The following FGF7 variants were observed in gnomAD, a reference collection of about 807,000 sequenced individuals.
The protein encoded by FGF7 is fibroblast growth factor 7.
In FGF7, 6 loss-of-function variants were observed where a neutral mutation model predicts 20.5. The observed-to-expected ratio is 0.29, with a 90% CI of 0.16 to 0.58. The LOEUF (loss-of-function observed/expected upper bound fraction) is 0.58, where lower values mean the gene tolerates loss of function less well. Among genes scored for constraint, FGF7 ranks in the 20% least tolerant of loss-of-function variants. The pLI is 0.90. For missense variants in FGF7, 144 were observed against 228.8 expected (o/e 0.63, Z 2.39); for synonymous variants, 64 against 74.7 (o/e 0.86, Z 0.74).
chr15:49,475,287 G>A (rs1437937357), intron 2 of FGF7, among the ~76,000 whole-genome samples: 1 of 152,102 alleles, frequency 6.6e-6, no homozygotes, highest in African/African-American at 2.4e-5. Flanking sequence ...AAGAGAGAAC[G>A]CCAATAAAGA....
At chr15:49,482,403 T>C (rs958531378) in intron 2 of FGF7, among the ~76,000 whole-genome samples, 1 of 152,084 alleles carries the variant, frequency 6.6e-6, no homozygotes, top group Non-Finnish European at 1.5e-5. Flanking sequence ...AAGTATTATA[T>C]AAACAGGATT....
intron 2 of FGF7, among the ~76,000 whole-genome samples, chr15:49,434,878 A>G (rs1224189432): frequency 6.6e-6 from 1 of 151,528 alleles, no homozygotes; most frequent in Admixed American, 6.6e-5. Context: ...AAAGAGAACC[A>G]ATTTCTCAAA....
At chr15:49,462,090 G>T (rs1256637079) in intron 2 of FGF7, among the ~76,000 whole-genome samples, 1 of 152,062 alleles carries the variant, frequency 6.6e-6, no homozygotes, top group Non-Finnish European at 1.5e-5. Flanking sequence ...CTGTACTCCA[G>T]CCTGGGTGAC....
At position 49,424,817 on chromosome 15, in the gene FGF7, T is replaced by C. The variant is rs189462008; in HGVS notation, c.286+234T>C. 6.8e-5 allele frequency: 22 copies of C among 325,536 alleles called. No homozygotes were observed. The East Asian group carries it at 8.6e-4, about 13-fold the overall frequency. The allele number at this position is 325,536 out of a possible 1,614,324, so 20.2% of individuals were successfully genotyped here. A position where few individuals can be genotyped will look rare whatever the true frequency, so the allele number is the denominator to read the frequency against. On this transcript the variant is annotated intron_variant, in intron 2 of 3. Coordinates refer to ENST00000267843, the MANE Select transcript of FGF7 (RefSeq NM_002009.4). ...GATAATCCAAGCCAATTTGAAAATA[T>C]ATACTCCTTGTCCTGAAAATGCTCA...
chr15:49,473,622 C>T (rs1428576581), intron 2 of FGF7, among the ~76,000 whole-genome samples: 1 of 151,948 alleles, frequency 6.6e-6, no homozygotes, highest in Admixed American at 6.6e-5. Flanking sequence ...TCTACCCCAG[C>T]AATATTTTAT....
intron 2 of FGF7, among the ~76,000 whole-genome samples, chr15:49,447,905 A>G (rs2052374859): frequency 6.6e-6 from 1 of 151,764 alleles, no homozygotes; most frequent in Non-Finnish European, 1.5e-5. Flanking sequence ...AATATAAGGT[A>G]GAGGTAGAAT....
rs556305059 is a variant in FGF7, at chr15:49,427,222, T to G, written c.286+2639T>G. On this transcript the variant is annotated intron_variant, in intron 2 of 3. Transcript: ENST00000267843. Reference sequence around the variant, plus strand: ...TAGGAAATCTAGGTTCAAAAAATGCTCAGAATTTGTTTAAAATAACAAGAA... The same window carrying G: ...TAGGAAATCTAGGTTCAAAAAATGCGCAGAATTTGTTTAAAATAACAAGAA... Among the ~76,000 whole-genome samples, 3 of 152,162 alleles carry G rather than the reference T, an allele frequency of 2.0e-5. No individual in the cohort carries two copies. In the East Asian group the frequency reaches 5.8e-4, roughly 29 times the overall value.
At chr15:49,439,807 G>A (rs2051464674) in intron 2 of FGF7, among the ~76,000 whole-genome samples, 1 of 151,628 alleles carries the variant, frequency 6.6e-6, no homozygotes, top group African/African-American at 2.4e-5. Context: ...TGATTTGCTT[G>A]CTTAAAATCA....
At chr15:49,470,269 A>C (rs1378593147) in intron 2 of FGF7, among the ~76,000 whole-genome samples, 1 of 63,098 alleles carries the variant, frequency 1.6e-5, no homozygotes. Context: ...CTGAGTACAT[A>C]TTAAATATTT....
chr15:49,424,859 T>C, intron 2 of FGF7: 1 of 224,040 alleles, frequency 4.5e-6, no homozygotes, highest in East Asian at 8.7e-5. Context: ...AAGCAAAATG[T>C]AAATAATATT....
At chr15:49,428,269 G>T (rs999734615) in intron 2 of FGF7, among the ~76,000 whole-genome samples, 1 of 151,946 alleles carries the variant, frequency 6.6e-6, no homozygotes, top group East Asian at 1.9e-4. Context: ...TAGCCTAACA[G>T]TGGGTTTCCA....
chr15:49,436,484 C>T (rs1226172601), intron 2 of FGF7, among the ~76,000 whole-genome samples: 3 of 151,506 alleles, frequency 2.0e-5, no homozygotes, highest in African/African-American at 7.2e-5. Flanking sequence ...TTTTTTCCCT[C>T]AATGAAAACA....
chr15:49,477,172 C>T (rs8038373), intron 2 of FGF7, among the ~76,000 whole-genome samples: 105,978 of 152,052 alleles, frequency 0.7, 37,203 homozygotes, highest in East Asian at 0.92. Flanking sequence ...TTTATTACAA[C>T]AGATGAGCCA....
chr15:49,462,761 T>C (rs2053921810), intron 2 of FGF7, among the ~76,000 whole-genome samples: 2 of 152,212 alleles, frequency 1.3e-5, no homozygotes, highest in East Asian at 1.9e-4. Context: ...AGATATGATA[T>C]ATCAGATTAT....
At chr15:49,428,542 T>G (rs71467680) in intron 2 of FGF7, among the ~76,000 whole-genome samples, 9,188 of 152,010 alleles carry the variant, frequency 0.06, 386 homozygotes, top group East Asian at 0.17. Context: ...GAGGCTATCA[T>G]TCTGCACCTG....
chr15:49,479,284 T>A (rs1426279406), intron 2 of FGF7, among the ~76,000 whole-genome samples: 1 of 152,192 alleles, frequency 6.6e-6, no homozygotes, highest in Non-Finnish European at 1.5e-5. Flanking sequence ...TCTACCATTA[T>A]GCTATCATGG....
At chr15:49,431,077 T>C (rs912766106) in intron 2 of FGF7, among the ~76,000 whole-genome samples, 4 of 151,894 alleles carry the variant, frequency 2.6e-5, no homozygotes, top group African/African-American at 9.7e-5. Context: ...ATACAATACT[T>C]TTCCATTTTT....
chr15:49,475,195 A>C (rs1213500022), intron 2 of FGF7, among the ~76,000 whole-genome samples: 3 of 152,192 alleles, frequency 2.0e-5, no homozygotes, highest in Admixed American at 6.5e-5. Context: ...AAGGAGTGTG[A>C]AGTGAGCCAA....
At chr15:49,442,896 G>C (rs539301230) in intron 2 of FGF7, among the ~76,000 whole-genome samples, 1 of 151,676 alleles carries the variant, frequency 6.6e-6, no homozygotes, top group Admixed American at 6.6e-5. Context: ...TAATGATTAG[G>C]TTGATTAGGA....
Sources: allele counts gnomAD v4.1 joint callset (sites outside exome capture counted in the v4.1 genomes callset), GRCh38; gene constraint gnomAD v4.1.1; transcripts MANE v1.5; gene names NCBI Gene and HGNC (gene_info 2026-07-23, HGNC 2026-07-21).